C10orf67: variants seen among roughly 807,000 people sequenced by gnomAD.
C10orf67 encodes the protein uncharacterized protein C10orf67, mitochondrial.
C10orf67 carries 60 observed loss-of-function variants against 35.6 expected under a neutral mutation model. That is an observed-to-expected ratio of 1.68 (90% CI 1.37 to 2.09). C10orf67 has a LOEUF of 2.09. C10orf67 is among the 30% of genes most tolerant of loss of function. The probability of loss-of-function intolerance (pLI) is 0.00; values close to 1 mark genes in which losing one functional copy is unlikely to be tolerated. For missense variants in C10orf67, 474 were observed against 330.2 expected, an observed-to-expected ratio of 1.44 and a Z score of -3.38; for synonymous variants, 167 against 115.8, an observed-to-expected ratio of 1.44 and a Z score of -2.84.
intron 13 of C10orf67, among the ~76,000 whole-genome samples, chr10:23,228,337 G>A (rs1253702874): frequency 6.6e-6 from 1 of 152,010 alleles, no homozygotes; most frequent in Non-Finnish European, 1.5e-5. Context: ...CAAGAAATGG[G>A]GAAAGGATTC....
chr10:23,303,586 C>T (rs912717309), intron 4 of C10orf67, 127 bp from the exon 5 acceptor site: 4 of 430,912 alleles, frequency 9.3e-6, no homozygotes, highest in African/African-American at 4.1e-5. Context: ...TTTTAAGCTA[C>T]TGTTTTGTGA....
intron 13 of C10orf67, among the ~76,000 whole-genome samples, chr10:23,226,739 A>G (rs1462376806): frequency 6.6e-6 from 1 of 152,198 alleles, no homozygotes; most frequent in Non-Finnish European, 1.5e-5. Flanking sequence ...TAGATGCAAT[A>G]AAAAATGATA....
chr10:23,343,356 G>A (rs1239327179), intron 1 of C10orf67, among the ~76,000 whole-genome samples: 3 of 151,666 alleles, frequency 2.0e-5, no homozygotes, highest in African/African-American at 4.9e-5. Context: ...GTTGCACCAT[G>A]TGGAGACACA....
Position 23,228,632 on chromosome 10 carries a change from T to G in C10orf67, c.1435-4814A>C, listed in dbSNP as rs4607975. Among the ~76,000 whole-genome samples the G allele has an allele frequency of 2.0e-3, 300 of 152,244 alleles. 3 individuals carry two copies. Among genetic ancestry groups the G allele is most frequent in the African/African-American group, 5.7e-3 (237 of 41,552 alleles). ...AGAGCTTCTGCACAGCAAAAGAAACTACCATCAGAGTGAACAGGCAACCAC... is the reference window on the plus strand; with the variant it reads ...AGAGCTTCTGCACAGCAAAAGAAACGACCATCAGAGTGAACAGGCAACCAC... On this transcript the variant is annotated intron_variant, in intron 13 of 15. Coordinates refer to ENST00000636213, the MANE Select transcript of C10orf67 (RefSeq NM_001371909.1).
chr10:23,236,307 C>A (rs1842052182), intron 13 of C10orf67, among the ~76,000 whole-genome samples: 1 of 146,762 alleles, frequency 6.8e-6, no homozygotes, highest in Admixed American at 6.7e-5. Flanking sequence ...GTGGCGGGTG[C>A]CTGTAATCCC....
At position 23,282,005 on chromosome 10, in the gene C10orf67, C is replaced by A. The variant is rs1044949629; in HGVS notation, c.975+8G>T. ...AAATTTGTTAGGAAATAATGTAAAT[C>A]ATCTTACCACATCCTGAACTAATGA... On this transcript the variant is annotated splice_region_variant and intron_variant, in intron 8 of 15. Transcript: ENST00000636213. The A allele has an allele frequency of 1.7e-6, 1 of 600,716 alleles. No homozygotes were observed. The highest frequency in any genetic ancestry group is 2.2e-5 in the South Asian group (1 of 46,054). 37.2% of individuals were successfully genotyped at this position (600,716 alleles called of 1,614,324 possible). A position where few individuals can be genotyped will look rare whatever the true frequency, so the allele number is the denominator to read the frequency against.
Position 23,289,894 on chromosome 10 carries a change from T to C in C10orf67, c.909+6A>G. ...AGTCATTTATCAACGTAAAACGTTATAGTACCTTTTGAATAGTTTTGTGAT... is the reference window on the plus strand; with the variant it reads ...AGTCATTTATCAACGTAAAACGTTACAGTACCTTTTGAATAGTTTTGTGAT... On this transcript the variant is annotated splice_donor_region_variant and intron_variant, in intron 7 of 15. Coordinates refer to ENST00000636213, the MANE Select transcript of C10orf67 (RefSeq NM_001371909.1). 1 of 716,704 alleles carries C rather than the reference T, an allele frequency of 1.4e-6. No individual in the cohort carries two copies. The highest frequency in any genetic ancestry group is 1.5e-5 in the South Asian group (1 of 67,320). 44.4% of individuals were successfully genotyped at this position (716,704 alleles called of 1,614,324 possible).
At chr10:23,215,700 T>C (rs557700608) in intron 15 of C10orf67, among the ~76,000 whole-genome samples, 1 of 151,776 alleles carries the variant, frequency 6.6e-6, no homozygotes, top group Non-Finnish European at 1.5e-5. Flanking sequence ...GGGAAAAAAA[T>C]TATAGACCAA....
intron 4 of C10orf67, among the ~76,000 whole-genome samples, chr10:23,305,749 A>G (rs1844252250): frequency 6.6e-6 from 1 of 152,246 alleles, no homozygotes; most frequent in East Asian, 1.9e-4. Context: ...TGGTACAGCC[A>G]TTATGGAAAA....
intron 13 of C10orf67, among the ~76,000 whole-genome samples, chr10:23,225,389 C>G (rs1588588716): frequency 6.6e-6 from 1 of 152,286 alleles, no homozygotes; most frequent in East Asian, 1.9e-4. Context: ...TAGAAAGGAA[C>G]AACCAGTACC....
intron 7 of C10orf67, among the ~76,000 whole-genome samples, chr10:23,285,853 TCAAGTGCTCAATAGCCA>T (rs1216106115): frequency 6.6e-6 from 1 of 152,234 alleles, no homozygotes; most frequent in Non-Finnish European, 1.5e-5. Context: ...TGGCCACATT[TCAAGTGCTCAATAGCCA>T]CATGTGGCCA....
rs374153643 is a variant in C10orf67, at chr10:23,299,749, G to A, written c.702+3555C>T. Among the ~76,000 whole-genome samples the A allele has an allele frequency of 5.9e-3, 897 of 152,136 alleles. 6 individuals carry two copies. Among genetic ancestry groups the A allele is most frequent in the African/African-American group, 0.02 (816 of 41,512 alleles). On this transcript the variant is annotated intron_variant, in intron 5 of 15. Coordinates refer to ENST00000636213, the MANE Select transcript of C10orf67 (RefSeq NM_001371909.1). ...TCCCAGCACTTTGGGAGGCTGAGGC[G>A]GGCGAATCATGAGGTCAAGAGATCA...
intron 7 of C10orf67, among the ~76,000 whole-genome samples, chr10:23,287,786 C>G (rs1004623623): frequency 6.6e-6 from 1 of 152,042 alleles, no homozygotes; most frequent in African/African-American, 2.4e-5. Context: ...AAAAAACAAA[C>G]AACCCCATCA....
intron 5 of C10orf67, among the ~76,000 whole-genome samples, chr10:23,292,053 A>T (rs1284788569): frequency 2.0e-5 from 3 of 151,674 alleles, no homozygotes; most frequent in Admixed American, 2.0e-4. Flanking sequence ...AGTAAAGCAA[A>T]CTCATTTACA....
In C10orf67 at chr10:23,261,717, T is replaced by A. The variant is rs925448230; in HGVS notation, c.1200+4545A>T. On this transcript the variant is annotated intron_variant, in intron 10 of 15. Coordinates refer to ENST00000636213, the MANE Select transcript of C10orf67 (RefSeq NM_001371909.1). ...AGAACTCTGGATTTGGTGAGCAATA[T>A]ATCAACCTGGTGAGATGTCACTGGT... Among the ~76,000 whole-genome samples, 4 of 152,162 alleles carry A rather than the reference T, an allele frequency of 2.6e-5. No individual in the cohort carries two copies. The East Asian group carries it at 7.7e-4, about 29-fold the overall frequency.
At chr10:23,288,184 G>A (rs1343736155) in intron 7 of C10orf67, among the ~76,000 whole-genome samples, 1 of 152,148 alleles carries the variant, frequency 6.6e-6, no homozygotes, top group Non-Finnish European at 1.5e-5. Flanking sequence ...GTTTACTGCA[G>A]CATTATTTAC....
chr10:23,206,541 T>G (rs1841163064), intron 15 of C10orf67, among the ~76,000 whole-genome samples: 1 of 152,220 alleles, frequency 6.6e-6, no homozygotes, highest in South Asian at 2.1e-4. Flanking sequence ...CCTATTGCTT[T>G]CAAGTTGCTT....
chr10:23,204,904 T>C (rs1016672851), intron 15 of C10orf67, among the ~76,000 whole-genome samples: 1 of 151,886 alleles, frequency 6.6e-6, no homozygotes, highest in Non-Finnish European at 1.5e-5. Context: ...TGTTCCAGCT[T>C]TGAAGGGGAA....
intron 5 of C10orf67, among the ~76,000 whole-genome samples, chr10:23,291,804 G>A (rs924201975): frequency 6.6e-6 from 1 of 152,046 alleles, no homozygotes; most frequent in Admixed American, 6.6e-5. Context: ...GCTGGGAGCC[G>A]CATGGAGTCC....
Sources: gnomAD v4.1 joint callset for allele counts (sites outside exome capture counted in the v4.1 genomes callset) on GRCh38, gnomAD v4.1.1 for gene constraint, MANE v1.5 for transcripts, NCBI Gene and HGNC (gene_info 2026-07-23, HGNC 2026-07-21) for gene names.